The following CNTNAP2 variants were observed in gnomAD, a reference collection of about 807,000 sequenced individuals.
The protein encoded by CNTNAP2 is contactin associated protein 2.
In CNTNAP2, 98 loss-of-function variants were observed where a neutral mutation model predicts 155.2. The ratio of observed to expected loss-of-function variants is 0.63; its 90% confidence interval spans 0.54 to 0.75. The LOEUF (loss-of-function observed/expected upper bound fraction) is 0.75. Among genes scored for constraint, CNTNAP2 ranks in the 30% least tolerant of loss-of-function variants. The pLI, the probability that CNTNAP2 is intolerant of heterozygous loss-of-function variation, is 0.00. For missense variants in CNTNAP2, 1,727 were observed against 1,688.1 expected (o/e 1.02, Z -0.40); for synonymous variants, 651 against 631.2 (o/e 1.03, Z -0.47).
chr7:147,858,594 T>C (rs1195776476), intron 13 of CNTNAP2, among the ~76,000 whole-genome samples: 2 of 152,192 alleles, frequency 1.3e-5, no homozygotes, highest in Non-Finnish European at 2.9e-5. Context: ...AATGTGACCT[T>C]ATTTGGGAGT....
At chr7:146,502,936 A>T (rs1797328353) in intron 1 of CNTNAP2, among the ~76,000 whole-genome samples, 1 of 152,166 alleles carries the variant, frequency 6.6e-6, no homozygotes, top group Admixed American at 6.6e-5. Flanking sequence ...TTTGATTTGC[A>T]ATTCTTTGAT....
At chr7:147,017,362 A>G (rs1218598876) in intron 3 of CNTNAP2, among the ~76,000 whole-genome samples, 1 of 86,278 alleles carries the variant, frequency 1.2e-5, no homozygotes, top group Admixed American at 9.2e-5. Flanking sequence ...ATTTGAAAAT[A>G]CTGCATTTTT....
At chr7:146,795,117 C>A (rs1802745992) in intron 2 of CNTNAP2, among the ~76,000 whole-genome samples, 1 of 152,048 alleles carries the variant, frequency 6.6e-6, no homozygotes, top group South Asian at 2.1e-4. Flanking sequence ...ACTATTTTCC[C>A]CTAAATCTGA....
intron 3 of CNTNAP2, among the ~76,000 whole-genome samples, chr7:147,027,146 A>C (rs1331844289): frequency 6.6e-6 from 1 of 152,150 alleles, no homozygotes; most frequent in Non-Finnish European, 1.5e-5. Flanking sequence ...TAATTGAGGA[A>C]AATGTGTTCA....
At chr7:148,039,760 A>G (rs1212660232) in intron 15 of CNTNAP2, among the ~76,000 whole-genome samples, 1 of 152,178 alleles carries the variant, frequency 6.6e-6, no homozygotes, top group East Asian at 1.9e-4. Flanking sequence ...CATTGGCTCC[A>G]TGGTCACATA....
intron 1 of CNTNAP2, among the ~76,000 whole-genome samples, chr7:146,222,946 AC>A (rs1242597205): frequency 4.6e-5 from 7 of 152,100 alleles, no homozygotes; most frequent in African/African-American, 1.7e-4. Flanking sequence ...GGCATGAGCC[AC>A]CGCACCTGGC....
chr7:148,406,008 A>C (rs996289943), intron 22 of CNTNAP2, among the ~76,000 whole-genome samples: 7 of 152,180 alleles, frequency 4.6e-5, no homozygotes, highest in Middle Eastern at 3.4e-3. Flanking sequence ...CAAGACCGGC[A>C]GATCACGAGG....
chr7:147,101,354 C>T (rs538644638), intron 4 of CNTNAP2, among the ~76,000 whole-genome samples: 5 of 152,304 alleles, frequency 3.3e-5, no homozygotes, highest in East Asian at 1.9e-4. Context: ...CTCCATTTCT[C>T]GCTCAAGCCC....
At chr7:147,979,011 T>C (rs528505985) in intron 15 of CNTNAP2, among the ~76,000 whole-genome samples, 1 of 152,308 alleles carries the variant, frequency 6.6e-6, no homozygotes, top group East Asian at 1.9e-4. Flanking sequence ...ACTTTGTAAA[T>C]CAAGGGAGAA....
At chr7:147,909,277 T>C (rs1800019620) in intron 14 of CNTNAP2, among the ~76,000 whole-genome samples, 1 of 152,174 alleles carries the variant, frequency 6.6e-6, no homozygotes, top group South Asian at 2.1e-4. Flanking sequence ...TTTTAATGAT[T>C]TCAGAATGTA....
intron 1 of CNTNAP2, among the ~76,000 whole-genome samples, chr7:146,227,292 G>A (rs1345898344): frequency 1.3e-5 from 2 of 151,878 alleles, no homozygotes; most frequent in Non-Finnish European, 2.9e-5. Flanking sequence ...GGGTGTGGTG[G>A]CATGCATCTG....
chr7:147,492,640 C>G (rs1798629234), intron 11 of CNTNAP2, among the ~76,000 whole-genome samples: 1 of 152,158 alleles, frequency 6.6e-6, no homozygotes, highest in South Asian at 2.1e-4. Context: ...TGTGGCCAAA[C>G]TTACTTCCCC....
At chr7:147,062,278 T>A (rs1307903608) in intron 4 of CNTNAP2, among the ~76,000 whole-genome samples, 2 of 151,862 alleles carry the variant, frequency 1.3e-5, no homozygotes, top group Non-Finnish European at 2.9e-5. Context: ...TTATTGTGAT[T>A]TATATGTCAC....
chr7:148,331,360 G>C (rs1465290437), intron 21 of CNTNAP2, among the ~76,000 whole-genome samples: 1 of 131,174 alleles, frequency 7.6e-6, no homozygotes, highest in African/African-American at 3.8e-5. Flanking sequence ...TGGATGGATG[G>C]AGTGGAGGGA....
chr7:147,598,334 C>T (rs921356853), intron 12 of CNTNAP2, among the ~76,000 whole-genome samples: 9 of 152,180 alleles, frequency 5.9e-5, no homozygotes, highest in Admixed American at 5.2e-4. Context: ...TCTCCCCTTG[C>T]CCCCGACCCC....
chr7:147,385,828 G>C (rs1357484535), intron 9 of CNTNAP2, among the ~76,000 whole-genome samples: 2 of 152,226 alleles, frequency 1.3e-5, no homozygotes, highest in African/African-American at 2.4e-5. Context: ...TGCCCCAGTA[G>C]AGACTCTGTG....
At chr7:148,145,453 G>A (rs144181224) in intron 16 of CNTNAP2, among the ~76,000 whole-genome samples, 53 of 152,254 alleles carry the variant, frequency 3.5e-4, no homozygotes, top group Middle Eastern at 3.4e-3. Flanking sequence ...GAATCACAGA[G>A]GAAATTAGAA....
intron 1 of CNTNAP2, among the ~76,000 whole-genome samples, chr7:146,548,798 G>GTTTT (rs71165013): frequency 8.1e-6 from 1 of 123,718 alleles, no homozygotes; most frequent in African/African-American, 3.0e-5. Flanking sequence ...CATTCTCTAG[G>GTTTT]TTTTTTTTTT....
intron 20 of CNTNAP2, among the ~76,000 whole-genome samples, chr7:148,244,311 T>A (rs1796215165): frequency 6.6e-6 from 1 of 152,168 alleles, no homozygotes; most frequent in South Asian, 2.1e-4. Flanking sequence ...TCACAAGTTC[T>A]CTCTTTAGGT....
Sources: gnomAD v4.1 joint callset for allele counts (sites outside exome capture counted in the v4.1 genomes callset) on GRCh38, gnomAD v4.1.1 for gene constraint, MANE v1.5 for transcripts, NCBI Gene and HGNC (gene_info 2026-07-23, HGNC 2026-07-21) for gene names.